Variants in BASP1 observed in about 807,000 individuals in gnomAD.
The protein encoded by BASP1 is brain abundant membrane attached signal protein 1, also known as brain acid soluble protein 1.
Under a neutral mutation model 2.2 loss-of-function variants are expected in BASP1, and 1 was observed. The observed-to-expected ratio is 0.46, with a 90% CI of 0.16 to 2.17. The LOEUF (loss-of-function observed/expected upper bound fraction) is 2.17. Ranked by LOEUF, BASP1 falls within the 30% of genes most tolerant of loss-of-function variation. The probability of loss-of-function intolerance (pLI) is 0.27; values close to 1 mark genes in which losing one functional copy is unlikely to be tolerated. For synonymous variants in BASP1, 187 were observed against 154.2 expected (o/e 1.21, Z -1.58); for missense variants, 352 against 327.2 (o/e 1.08, Z -0.58).
chr5:17,228,422 A>G (rs1739563044), intron 1 of BASP1, among the ~76,000 whole-genome samples: 1 of 152,230 alleles, frequency 6.6e-6, no homozygotes, highest in Non-Finnish European at 1.5e-5. Flanking sequence ...AAGGAGTCCT[A>G]TGAATATTTC....
At chr5:17,219,020 G>A (rs998581286) in intron 1 of BASP1, among the ~76,000 whole-genome samples, 33 of 151,982 alleles carry the variant, frequency 2.2e-4, no homozygotes, top group African/African-American at 8.0e-4. Flanking sequence ...TGTCTCCCCC[G>A]CGGCCACTCG....
chr5:17,220,037 A>T (rs1739366007), intron 1 of BASP1, among the ~76,000 whole-genome samples: 1 of 152,074 alleles, frequency 6.6e-6, no homozygotes, highest in African/African-American at 2.4e-5. Context: ...ACAAAAAGGG[A>T]CTTATTGTGT....
intron 1 of BASP1, among the ~76,000 whole-genome samples, chr5:17,241,693 T>A (rs1482640139): frequency 6.6e-6 from 1 of 152,206 alleles, no homozygotes; most frequent in Non-Finnish European, 1.5e-5. Flanking sequence ...CGTAGATCTG[T>A]GCAGGAACTG....
In BASP1 at chr5:17,276,092, T is replaced by G; in HGVS notation, c.*192T>G. ...TTGCCCAAGGAAAAATACAGGATGT[T>G]GTCCCATCAAGGGAGGGAGGGGGTG... On this transcript the variant is annotated 3_prime_UTR_variant, in exon 2 of 2. Transcript: ENST00000322611. 3 of 386,648 alleles carry G rather than the reference T, an allele frequency of 7.8e-6. No homozygotes were observed. The highest frequency in any genetic ancestry group is 9.2e-6 in the Non-Finnish European group (2 of 218,154). 24.0% of individuals were successfully genotyped at this position (386,648 alleles called of 1,614,324 possible). A position where few individuals can be genotyped will look rare whatever the true frequency, so the allele number is the denominator to read the frequency against.
intron 1 of BASP1, among the ~76,000 whole-genome samples, chr5:17,252,049 AG>A (rs1740111818): frequency 6.6e-6 from 1 of 152,088 alleles, no homozygotes; most frequent in Non-Finnish European, 1.5e-5. Context: ...CAAGGATGAC[AG>A]CCCCTTGAAC....
rs1484463579 is a variant in BASP1 at position 17,260,007 on chromosome 5, C to A, written c.-9-15201C>A. ...GAAATGATCTCTGCAGTTTGCATTTCCTGAGCGGGTTGTGGTTCACTTACT... is the reference window on the plus strand; with the variant it reads ...GAAATGATCTCTGCAGTTTGCATTTACTGAGCGGGTTGTGGTTCACTTACT... On this transcript the variant is annotated intron_variant, in intron 1 of 1. Coordinates refer to ENST00000322611, the MANE Select transcript of BASP1 (RefSeq NM_006317.5). The surrounding 1 kb of genome is among the most constrained non-coding windows in gnomAD (Gnocchi z 4.2). Among the ~76,000 whole-genome samples, 1 of 152,182 alleles carries A rather than the reference C, an allele frequency of 6.6e-6. No homozygotes were observed. Among genetic ancestry groups the A allele is most frequent in the Non-Finnish European group, 1.5e-5 (1 of 68,032 alleles).
chr5:17,274,326 CT>C (rs1740585025), intron 1 of BASP1, among the ~76,000 whole-genome samples: 1 of 152,120 alleles, frequency 6.6e-6, no homozygotes, highest in East Asian at 1.9e-4. Context: ...ATAACTGCCC[CT>C]GCTTGGTAAG....
chr5:17,253,919 G>GT (rs1048562753), intron 1 of BASP1, among the ~76,000 whole-genome samples: 1 of 151,918 alleles, frequency 6.6e-6, no homozygotes, highest in African/African-American at 2.4e-5. Context: ...ATTAATTACT[G>GT]TATCTAGTGT....
chr5:17,248,325 T>C (rs1182484241), intron 1 of BASP1, among the ~76,000 whole-genome samples: 3 of 152,188 alleles, frequency 2.0e-5, no homozygotes, highest in Admixed American at 6.5e-5. Flanking sequence ...GTGAAAACAA[T>C]TGTGTCATAG....
chr5:17,248,856 T>C (rs1359350870), intron 1 of BASP1, among the ~76,000 whole-genome samples: 1 of 152,230 alleles, frequency 6.6e-6, no homozygotes, highest in Non-Finnish European at 1.5e-5. Flanking sequence ...GCGCCTATTC[T>C]AGGTCTCCTT....
chr5:17,253,709 A>T (rs368835145), intron 1 of BASP1, among the ~76,000 whole-genome samples: 1 of 152,168 alleles, frequency 6.6e-6, no homozygotes, highest in Admixed American at 6.5e-5. Context: ...AAGACCCTCA[A>T]TTACCAAATT....
intron 1 of BASP1, among the ~76,000 whole-genome samples, chr5:17,242,778 A>G (rs1739893518): frequency 6.6e-6 from 1 of 151,986 alleles, no homozygotes. Context: ...GTAACGGTAC[A>G]TCCTTGCTCT....
In BASP1 at chr5:17,260,714, T is replaced by C. The variant is rs1037270630; in HGVS notation, c.-9-14494T>C. ...CCGTCTGTAGTGAGTCTGTGATGTT[T>C]ATCTAGTACCCATTGTGCACGAACA... On this transcript the variant is annotated intron_variant, in intron 1 of 1. Coordinates refer to ENST00000322611, the MANE Select transcript of BASP1 (RefSeq NM_006317.5). The surrounding 1 kb of genome is among the most constrained non-coding windows in gnomAD (Gnocchi z 4.2). 6.6e-6 allele frequency among the ~76,000 whole-genome samples: 1 copy of C among 152,250 alleles called. No homozygotes were observed. Among genetic ancestry groups the C allele is most frequent in the African/African-American group, 2.4e-5 (1 of 41,472 alleles).
Position 17,251,641 on chromosome 5 carries a change from A to T in BASP1, c.-9-23567A>T, listed in dbSNP as rs756269340. ...TTTGTTTTCTAGCACCTAGCAGTGG[A>T]GTTATGAACATATTTTAGTGGAACA... On this transcript the variant is annotated intron_variant, in intron 1 of 1. Transcript: ENST00000322611. This position sits in a 1 kb window ranked among gnomAD's most constrained non-coding sequence, Gnocchi z 4.0. Among the ~76,000 whole-genome samples the T allele has an allele frequency of 1.8e-4, 28 of 152,296 alleles. No homozygotes were observed. Among genetic ancestry groups the T allele is most frequent in the Non-Finnish European group, 3.5e-4 (24 of 68,024 alleles).
At chr5:17,246,947 G>A (rs184605965) in intron 1 of BASP1, among the ~76,000 whole-genome samples, 14 of 152,300 alleles carry the variant, frequency 9.2e-5, no homozygotes, top group African/African-American at 3.1e-4. Context: ...AGCACTTTGT[G>A]AGGCTGAGGC....
At chr5:17,252,797 C>T (rs903033004) in intron 1 of BASP1, among the ~76,000 whole-genome samples, 1 of 152,346 alleles carries the variant, frequency 6.6e-6, no homozygotes, top group East Asian at 1.9e-4. Flanking sequence ...ATCACACTCT[C>T]ATCTGATCAT....
chr5:17,267,181 C>T (rs1740431575), intron 1 of BASP1, among the ~76,000 whole-genome samples: 1 of 152,184 alleles, frequency 6.6e-6, no homozygotes, highest in African/African-American at 2.4e-5. Flanking sequence ...AGGAAGCACG[C>T]TTGCTCAAAG....
chr5:17,238,566 C>T (rs1000104004), intron 1 of BASP1, among the ~76,000 whole-genome samples: 2 of 152,140 alleles, frequency 1.3e-5, no homozygotes, highest in South Asian at 2.1e-4. Flanking sequence ...CTCGCCTGAT[C>T]CCCAGATAGT....
Position 17,275,736 on chromosome 5 carries a change from C to A in BASP1, c.520C>A (p.Pro174Thr), listed in dbSNP as rs1289799079. 6.2e-7 allele frequency: 1 copy of A among 1,611,762 alleles called. No homozygotes were observed. Among genetic ancestry groups the A allele is most frequent in the Non-Finnish European group, 8.5e-7 (1 of 1,179,268 alleles). The change falls in exon 2 of 2, where the codon CCC becomes ACC. Residue 174 changes from proline to threonine, a missense_variant. Transcript: ENST00000322611. The surrounding 1 kb of genome is among the most constrained non-coding windows in gnomAD (Gnocchi z 5.3). Reference protein sequence around the residue: ...SDGAPASDSKPGSSEAAPSSK... With the variant: ...SDGAPASDSKTGSSEAAPSSK... ...CGGGGCCCCAGCTTCAGACTCAAAA[C>A]CCGGCAGCTCGGAGGCTGCCCCCTC... is the stretch of plus-strand genomic sequence containing the variant.
Sources: allele counts gnomAD v4.1 joint callset (sites outside exome capture counted in the v4.1 genomes callset), GRCh38; gene constraint gnomAD v4.1.1; non-coding constraint Gnocchi (gnomAD v3.1); transcripts MANE v1.5; gene names NCBI Gene and HGNC (gene_info 2026-07-23, HGNC 2026-07-21).